Variants in TRUB1 observed in about 807,000 individuals in gnomAD.
TRUB1 encodes TruB pseudouridine synthase family member 1.
TRUB1 carries 23 observed loss-of-function variants against 33.9 expected under a neutral mutation model. The ratio of observed to expected loss-of-function variants is 0.68; its 90% confidence interval spans 0.49 to 0.96. The LOEUF is 0.96. TRUB1 is among the 40% of genes least tolerant of loss of function. TRUB1 has a pLI of 0.00. For missense variants in TRUB1, 378 were observed against 422.2 expected (o/e 0.90, Z 0.92); for synonymous variants, 163 against 165.4 (o/e 0.99, Z 0.11).
At chr10:114,955,831 T>C (rs1328582944) in intron 3 of TRUB1, among the ~76,000 whole-genome samples, 1 of 152,208 alleles carries the variant, frequency 6.6e-6, no homozygotes, top group Non-Finnish European at 1.5e-5. Context: ...AAATACTGTA[T>C]TGAAAATTTT....
chr10:114,968,873 T>C (rs1259763992), intron 4 of TRUB1, among the ~76,000 whole-genome samples: 2 of 152,204 alleles, frequency 1.3e-5, no homozygotes, highest in Non-Finnish European at 2.9e-5. Flanking sequence ...TATTTAATAT[T>C]GTTCAAATAA....
rs2084358543 is a variant in TRUB1, at chr10:114,975,975, A to G, written c.*596A>G. 1 of 152,542 alleles carries G rather than the reference A, an allele frequency of 6.6e-6. No individual in the cohort carries two copies. Among genetic ancestry groups the G allele is most frequent in the Non-Finnish European group, 1.5e-5 (1 of 67,998 alleles). The allele number at this position is 152,542 out of a possible 1,614,324, so 9.4% of individuals were successfully genotyped here. On this transcript the variant is annotated 3_prime_UTR_variant, in exon 8 of 8. Coordinates refer to ENST00000298746, the MANE Select transcript of TRUB1 (RefSeq NM_139169.5). Reference sequence around the variant, plus strand: ...TAAGCTTTGATAATATTTGTAAATGAACCAAATTATTACTGCTACCACTAA... The same window carrying G: ...TAAGCTTTGATAATATTTGTAAATGGACCAAATTATTACTGCTACCACTAA...
At chr10:114,951,651 A>G (rs543733738) in intron 3 of TRUB1, among the ~76,000 whole-genome samples, 1 of 152,290 alleles carries the variant, frequency 6.6e-6, no homozygotes, top group African/African-American at 2.4e-5. Flanking sequence ...TTTTCCAGGC[A>G]CTTGATAGAA....
At chr10:114,966,481 GAATTTTTGAATCAGCTTGTC>G in intron 4 of TRUB1, among the ~76,000 whole-genome samples, 1 of 152,198 alleles carries the variant, frequency 6.6e-6, no homozygotes, top group East Asian at 1.9e-4. Context: ...ATTTCCATAT[GAATTTTTGAATCAGCTTGTC>G]AATTTTTATG....
chr10:114,955,722 C>A (rs553040243), intron 3 of TRUB1, among the ~76,000 whole-genome samples: 10 of 152,308 alleles, frequency 6.6e-5, no homozygotes, highest in African/African-American at 2.2e-4. Context: ...TGAAACTTAG[C>A]CAACTCTTGA....
chr10:114,943,904 C>T (rs1305185070), intron 2 of TRUB1, among the ~76,000 whole-genome samples: 1 of 151,572 alleles, frequency 6.6e-6, no homozygotes, highest in Non-Finnish European at 1.5e-5. Flanking sequence ...TCATTTTCGG[C>T]TGGAGATGTA....
rs2084360206 is a variant in TRUB1 at position 114,976,352 on chromosome 10, C to T, written c.*973C>T. The T allele has an allele frequency of 2.0e-5, 3 of 152,286 alleles. No individual in the cohort carries two copies. In the South Asian group the frequency reaches 6.2e-4, roughly 32 times the overall value. 9.4% of individuals were successfully genotyped at this position (152,286 alleles called of 1,614,324 possible). On this transcript the variant is annotated 3_prime_UTR_variant, in exon 8 of 8. Transcript: ENST00000298746. ...CTCTAAATATTTAAAAACAGTTCTT[C>T]TCAAACATTTTCATTCAGATAGCTT...
At position 114,957,268 on chromosome 10, in the gene TRUB1, GATGTGTGAT is replaced by G. The variant is rs539246598; in HGVS notation, c.442-2445_442-2437del. Among the ~76,000 whole-genome samples, 587 of 152,290 alleles carry G rather than the reference GATGTGTGAT, an allele frequency of 3.9e-3. 1 individual carries two copies. The highest frequency in any genetic ancestry group is 0.013 in the African/African-American group (526 of 41,570). Reference sequence around the variant, plus strand: ...ATCTCTGTAGGTCATCATGTGCTAAGATGTGTGATATGTGTGATATGAGAGCTCAGTGAG... The same window carrying G: ...ATCTCTGTAGGTCATCATGTGCTAAGATGTGTGATATGAGAGCTCAGTGAG... On this transcript the variant is annotated intron_variant, in intron 3 of 7. Coordinates refer to ENST00000298746, the MANE Select transcript of TRUB1 (RefSeq NM_139169.5).
In TRUB1 at chr10:114,975,218, A is replaced by G. The variant is rs749367290; in HGVS notation, c.889A>G (p.Ile297Val). 1.5e-5 allele frequency: 24 copies of G among 1,613,640 alleles called. No homozygotes were observed. The highest frequency in any genetic ancestry group is 1.9e-5 in the Non-Finnish European group (22 of 1,179,730). ...TGCCCTTCCTGAAGACAAATGGACA[A>G]TTGATGACATTGCACAGTCTCTTGA... is the stretch of plus-strand genomic sequence containing the variant. ...EHALPEDKWT[I>V]DDIAQSLEHC... The change falls in exon 8 of 8, where the codon ATT becomes GTT. Residue 297 changes from isoleucine (I) to valine (V), a missense_variant. Coordinates refer to ENST00000298746, the MANE Select transcript of TRUB1 (RefSeq NM_139169.5).
At position 114,950,974 on chromosome 10, in the gene TRUB1, T is replaced by C. The variant is rs74842621; in HGVS notation, c.386-120T>C. The C allele has an allele frequency of 4.6e-4, 346 of 750,008 alleles. 1 individual carries two copies. In the East Asian group the frequency reaches 8.7e-3, roughly 19 times the overall value. 46.5% of individuals were successfully genotyped at this position (750,008 alleles called of 1,614,324 possible). On this transcript the variant is annotated intron_variant, in intron 2 of 7. Transcript: ENST00000298746. ...ATAGGAGCCCTAACATTTTGCTAAA[T>C]ATCTGTTCTTTCCCACTTCACATTA...
At chr10:114,972,324 T>A in intron 6 of TRUB1, 50 bp downstream of exon 6, 1 of 1,540,516 alleles carries the variant, frequency 6.5e-7, no homozygotes, top group South Asian at 1.2e-5. Flanking sequence ...ATTTTTAATT[T>A]GTATTTGGCT....
At position 114,942,678 on chromosome 10, in the gene TRUB1, G is replaced by A. The variant is rs376430991; in HGVS notation, c.320G>A (p.Arg107Lys). 3.7e-6 allele frequency: 6 copies of A among 1,613,984 alleles called. No homozygotes were observed. In the African/African-American group the frequency reaches 6.7e-5, roughly 18 times the overall value. Reference protein sequence around the residue: ...AGMPSPEWTKRKKQTLKIGHG... With the variant: ...AGMPSPEWTKKKKQTLKIGHG... Reference sequence around the variant, plus strand: ...ATGCCTTCTCCAGAATGGACCAAGAGGAAAAAGCAGACTTTGAAAATTGGG... The same window carrying A: ...ATGCCTTCTCCAGAATGGACCAAGAAGAAAAAGCAGACTTTGAAAATTGGG... Residue 107 changes from arginine to lysine, a missense_variant, in exon 2 of 8, where the codon AGG becomes AAG. Coordinates refer to ENST00000298746, the MANE Select transcript of TRUB1 (RefSeq NM_139169.5).
At chr10:114,973,403 A>G (rs942593498) in intron 6 of TRUB1, among the ~76,000 whole-genome samples, 4 of 152,204 alleles carry the variant, frequency 2.6e-5, no homozygotes, top group Non-Finnish European at 5.9e-5. Flanking sequence ...ATATCACGCA[A>G]GAGTGCTAGC....
At chr10:114,955,793 A>C (rs2084259308) in intron 3 of TRUB1, among the ~76,000 whole-genome samples, 1 of 152,174 alleles carries the variant, frequency 6.6e-6, no homozygotes, top group African/African-American at 2.4e-5. Flanking sequence ...CCTTTTCTAT[A>C]TACGCTATTA....
intron 2 of TRUB1, among the ~76,000 whole-genome samples, chr10:114,950,431 T>C (rs1038991497): frequency 6.6e-6 from 1 of 152,206 alleles, no homozygotes; most frequent in Non-Finnish European, 1.5e-5. Context: ...CTTACAAAAA[T>C]GTGGCTTCTT....
intron 3 of TRUB1, among the ~76,000 whole-genome samples, chr10:114,953,521 A>G (rs887251817): frequency 2.6e-5 from 4 of 152,182 alleles, no homozygotes; most frequent in Admixed American, 2.0e-4. Context: ...AGATCATCTT[A>G]TCTAGTGACT....
At chr10:114,967,026 ATTTC>A (rs1441247605) in intron 4 of TRUB1, among the ~76,000 whole-genome samples, 1 of 152,166 alleles carries the variant, frequency 6.6e-6, no homozygotes, top group Non-Finnish European at 1.5e-5. Flanking sequence ...CTTTGGTAGT[ATTTC>A]TTTAGTTAAT....
At chr10:114,963,966 CGTGTGT>C (rs35359334) in intron 4 of TRUB1, among the ~76,000 whole-genome samples, 17 of 148,998 alleles carry the variant, frequency 1.1e-4, no homozygotes, top group African/African-American at 2.5e-4. Flanking sequence ...GAATATAGGT[CGTGTGT>C]GTGTGTGTGT....
chr10:114,968,016 T>C (rs1437526456), intron 4 of TRUB1, among the ~76,000 whole-genome samples: 2 of 152,192 alleles, frequency 1.3e-5, no homozygotes, highest in Admixed American at 1.3e-4. Context: ...TAATAGTGTA[T>C]GTTATATACG....
Sources: gnomAD v4.1 joint callset for allele counts (sites outside exome capture counted in the v4.1 genomes callset) on GRCh38, gnomAD v4.1.1 for gene constraint, MANE v1.5 for transcripts, NCBI Gene and HGNC (gene_info 2026-07-23, HGNC 2026-07-21) for gene names.